NDC80: variants seen among roughly 807,000 people sequenced by gnomAD.
NDC80 encodes the protein kinetochore protein NDC80 homolog.
NDC80 carries 69 observed loss-of-function variants against 89.3 expected under a neutral mutation model. The ratio of observed to expected loss-of-function variants is 0.77; its 90% CI spans 0.64 to 0.94. The LOEUF (loss-of-function observed/expected upper bound fraction) is 0.94, where lower values mean the gene tolerates loss of function less well. Ranked by LOEUF, NDC80 falls within the 40% of genes least tolerant of loss-of-function variation. NDC80 has a pLI of 0.00. For missense variants in NDC80, 593 were observed against 739.6 expected, an observed-to-expected ratio of 0.80 and a Z score of 2.30; for synonymous variants, 243 against 255.6, an observed-to-expected ratio of 0.95 and a Z score of 0.47.
intron 10 of NDC80, chr18:2,594,824 T>C (rs1003801907): frequency 1.3e-5 from 2 of 152,362 alleles, no homozygotes; most frequent in African/African-American, 4.8e-5. Flanking sequence ...ATTAGTGAAA[T>C]TAGAGATCCT....
chr18:2,595,798 C>G (rs1480312693), intron 11 of NDC80, among the ~76,000 whole-genome samples, 177 bp downstream of exon 11: 1 of 152,124 alleles, frequency 6.6e-6, no homozygotes, highest in Non-Finnish European at 1.5e-5. Context: ...CCCAATTTCT[C>G]TCAAATTTAA....
At chr18:2,605,442 A>G (rs1434090305) in intron 13 of NDC80, among the ~76,000 whole-genome samples, 1 of 152,170 alleles carries the variant, frequency 6.6e-6, no homozygotes, top group African/African-American at 2.4e-5. Flanking sequence ...ATGAGTAAAC[A>G]TGCTTTTGAC....
Position 2,578,081 on chromosome 18 carries a change from CA to C in NDC80, c.417del (p.Tyr140ThrfsTer46). The C allele has an allele frequency of 2.4e-5, 39 of 1,614,046 alleles. No homozygotes were observed. The highest frequency in any genetic ancestry group is 3.2e-5 in the Non-Finnish European group (38 of 1,179,998). ...TTTCTTTATGGCTTCCTGTGCCCCTCATACGAACTTCCTGACACAAAGTTTG... is the reference window on the plus strand; with the variant it reads ...TTTCTTTATGGCTTCCTGTGCCCCTCTACGAACTTCCTGACACAAAGTTTG... Reference protein sequence around the residue: ...FTFLYGFLCPSYELPDTKFEE... With the variant: ...FTFLYGFLCPXYELPDTKFEE... On this transcript the variant is annotated frameshift_variant, in exon 5 of 17. Transcript: ENST00000261597. LOFTEE classifies it high-confidence loss of function.
At chr18:2,580,080 A>T (rs1374178408) in intron 6 of NDC80, among the ~76,000 whole-genome samples, 3 of 151,960 alleles carry the variant, frequency 2.0e-5, no homozygotes, top group Non-Finnish European at 4.4e-5. Context: ...TTTGCCATGA[A>T]TTTGAATCTT....
In NDC80 at chr18:2,601,434, A is replaced by G; in HGVS notation, c.1413A>G (p.Glu471=). ...LKELLNETEE[E]INKALNKKMG... ...AACTCCTGAATGAAACTGAAGAAGA[A>G]ATTAATAAAGCCCTAAATAAAAAAA... The change falls in exon 13 of 17, where the codon GAA becomes GAG. Residue 471 remains glutamate, a synonymous_variant. Coordinates refer to ENST00000261597, the MANE Select transcript of NDC80 (RefSeq NM_006101.3). The G allele has an allele frequency of 6.5e-7, 1 of 1,531,164 alleles. No homozygotes were observed. 94.8% of individuals were successfully genotyped at this position (1,531,164 alleles called of 1,614,324 possible). A position where few individuals can be genotyped will look rare whatever the true frequency, so the allele number is the denominator to read the frequency against.
At chr18:2,598,797 C>T (rs894371669) in intron 11 of NDC80, among the ~76,000 whole-genome samples, 31 of 152,102 alleles carry the variant, frequency 2.0e-4, no homozygotes, top group Non-Finnish European at 2.9e-4. Flanking sequence ...GTACATTACA[C>T]ACCAATTGAT....
chr18:2,590,628 A>G (rs2072623069), intron 10 of NDC80, among the ~76,000 whole-genome samples: 1 of 152,200 alleles, frequency 6.6e-6, no homozygotes, highest in Admixed American at 6.5e-5. Flanking sequence ...CTGGATAATA[A>G]TACAGGGCTC....
chr18:2,588,676 C>A (rs2072613385), intron 8 of NDC80, among the ~76,000 whole-genome samples: 3 of 152,152 alleles, frequency 2.0e-5, no homozygotes, highest in South Asian at 4.1e-4. Context: ...TGAAGAGTAA[C>A]CAGGACAATT....
At position 2,616,493 on chromosome 18, in the gene NDC80, A is replaced by G; in HGVS notation, c.1848A>G (p.Ser616=). Reference sequence around the variant, plus strand: ...ATAGAGAATATGAAGAATGCATGTCAGAAGATCTCTCGGAAAATATTAAAG... The same window carrying G: ...ATAGAGAATATGAAGAATGCATGTCGGAAGATCTCTCGGAAAATATTAAAG... ...KVDREYEECM[S]EDLSENIKEI... The change falls in exon 17 of 17, where the codon TCA becomes TCG. Residue 616 remains serine (S), a synonymous_variant. Transcript: ENST00000261597. The G allele has an allele frequency of 6.5e-7, 1 of 1,538,328 alleles. No individual in the cohort carries two copies. The highest frequency in any genetic ancestry group is 8.8e-7 in the Non-Finnish European group (1 of 1,133,770).
chr18:2,578,543 CA>C (rs1232678780), intron 5 of NDC80, among the ~76,000 whole-genome samples: 1 of 148,804 alleles, frequency 6.7e-6, no homozygotes, highest in Non-Finnish European at 1.5e-5. Context: ...AAGCCAAAAA[CA>C]AAAAAAAACA....
intron 13 of NDC80, among the ~76,000 whole-genome samples, chr18:2,603,351 T>TATATATATA (rs2072693587): frequency 6.2e-5 from 5 of 80,916 alleles, no homozygotes; most frequent in African/African-American, 2.5e-4. Flanking sequence ...GAGAATATGT[T>TATATATATA]TATACATATA....
At chr18:2,587,972 C>A in intron 8 of NDC80, 49 bp downstream of exon 8, 1 of 1,410,168 alleles carries the variant, frequency 7.1e-7, no homozygotes, top group Non-Finnish European at 1.0e-6. Flanking sequence ...TTTCACTCTG[C>A]TCATGGAGTG....
At chr18:2,594,251 A>C (rs2072642490) in intron 10 of NDC80, 1 of 152,756 alleles carries the variant, frequency 6.5e-6, no homozygotes, top group Admixed American at 6.5e-5. Flanking sequence ...TAAAGCAGTC[A>C]CTTTACTAGA....
intron 2 of NDC80, among the ~76,000 whole-genome samples, chr18:2,573,523 C>T (rs1343981856): frequency 6.6e-6 from 1 of 152,154 alleles, no homozygotes; most frequent in Non-Finnish European, 1.5e-5. Context: ...ACCACTCCTC[C>T]GAACTCTTTC....
intron 16 of NDC80, 141 bp downstream of exon 16, chr18:2,611,002 T>G: frequency 2.2e-6 from 1 of 464,258 alleles, no homozygotes; most frequent in Non-Finnish European, 3.6e-6. Context: ...CAGAAGAATC[T>G]TGTCTAGTGA....
chr18:2,611,829 C>G (rs2072745946), intron 16 of NDC80, among the ~76,000 whole-genome samples: 1 of 151,474 alleles, frequency 6.6e-6, no homozygotes, highest in Non-Finnish European at 1.5e-5. Flanking sequence ...CATGTGATAC[C>G]CTACTACCCA....
At chr18:2,573,222 T>G (rs2072528343) in intron 2 of NDC80, 136 bp downstream of exon 2, 1 of 650,510 alleles carries the variant, frequency 1.5e-6, no homozygotes, top group Non-Finnish European at 2.5e-6. Flanking sequence ...GTACCTAATT[T>G]TGGATCAATG....
At chr18:2,577,213 CG>C (rs1962243645) in intron 3 of NDC80, 1 of 121,820 alleles carries the variant, frequency 8.2e-6, no homozygotes, top group African/African-American at 3.1e-5. Flanking sequence ...ATACTGTCTG[CG>C]CTTTTTTTTT....
intron 13 of NDC80, 38 bp from the exon 14 acceptor site, chr18:2,606,377 A>G (rs981799058): frequency 2.2e-6 from 3 of 1,351,822 alleles, no homozygotes; most frequent in Non-Finnish European, 3.1e-6. Flanking sequence ...TCTTTGATGT[A>G]TAGTTATGAT....
Sources: gnomAD v4.1 joint callset for allele counts (sites outside exome capture counted in the v4.1 genomes callset) on GRCh38, gnomAD v4.1.1 for gene constraint, MANE v1.5 for transcripts, NCBI Gene and HGNC (gene_info 2026-07-23, HGNC 2026-07-21) for gene names.